The following ACTR3B variants were observed in gnomAD, a reference collection of about 807,000 sequenced individuals.
The protein encoded by ACTR3B is actin-related protein 3B.
Under a neutral mutation model 59.0 loss-of-function variants are expected in ACTR3B, and 8 were observed. That is an observed-to-expected ratio of 0.14 (90% confidence interval 0.08 to 0.24). The LOEUF (loss-of-function observed/expected upper bound fraction) is 0.24, where lower values mean the gene tolerates loss of function less well. Ranked by LOEUF, ACTR3B falls within the 10% of genes least tolerant of loss-of-function variation. ACTR3B has a pLI of 1.00. For synonymous variants in ACTR3B, 148 were observed against 197.9 expected, an observed-to-expected ratio of 0.75 and a Z score of 2.12; for missense variants, 245 against 552.3, an observed-to-expected ratio of 0.44 and a Z score of 5.58.
chr7:152,854,755 T>C lies in ACTR3B; in HGVS notation c.*202T>C, dbSNP rs1240015808. On this transcript the variant is annotated 3_prime_UTR_variant, in exon 12 of 12. Transcript: ENST00000256001. The surrounding 1 kb of genome is among the most constrained non-coding windows in gnomAD (Gnocchi z 4.9). ...TGCCGACCGCTGTCTGCCAGCCTCC[T>C]CCTTCTCCCGCCCTCCTCACCCTCG... 2 of 532,046 alleles carry C rather than the reference T, an allele frequency of 3.8e-6. No homozygotes were observed. Among genetic ancestry groups the C allele is most frequent in the East Asian group, 6.4e-5 (2 of 31,492 alleles). The allele number at this position is 532,046 out of a possible 1,614,324, so 33.0% of individuals were successfully genotyped here. A position where few individuals can be genotyped will look rare whatever the true frequency, so the allele number is the denominator to read the frequency against.
chr7:152,807,642 A>G (rs1188426263), intron 4 of ACTR3B, among the ~76,000 whole-genome samples: 3 of 152,022 alleles, frequency 2.0e-5, no homozygotes, highest in Non-Finnish European at 4.4e-5. Flanking sequence ...CTTTCTTTGT[A>G]CTCTTGTCAG....
chr7:152,794,750 G>A (rs375173920), intron 2 of ACTR3B, among the ~76,000 whole-genome samples: 2,225 of 151,998 alleles, frequency 0.015, 53 homozygotes, highest in African/African-American at 0.05. Flanking sequence ...AGTCGTCGTG[G>A]CCCACAAGAC....
chr7:152,807,013 C>CCA (rs2098254239), intron 4 of ACTR3B, among the ~76,000 whole-genome samples: 1 of 152,146 alleles, frequency 6.6e-6, no homozygotes, highest in South Asian at 2.1e-4. Flanking sequence ...GAGCCTCTGG[C>CCA]CAGGAGGAAG....
chr7:152,817,638 T>G (rs1400677863), intron 6 of ACTR3B, among the ~76,000 whole-genome samples: 2 of 152,082 alleles, frequency 1.3e-5, no homozygotes, highest in Non-Finnish European at 2.9e-5. Context: ...TCCTTTGAGG[T>G]CTCCTCCTCA....
chr7:152,763,717 C>T (rs1423444154), intron 1 of ACTR3B, among the ~76,000 whole-genome samples: 1 of 152,196 alleles, frequency 6.6e-6, no homozygotes, highest in Non-Finnish European at 1.5e-5. Flanking sequence ...AGCCACTGTG[C>T]CTGGCCCATT....
intron 9 of ACTR3B, among the ~76,000 whole-genome samples, chr7:152,847,998 C>T (rs1798495218): frequency 6.6e-6 from 1 of 152,206 alleles, no homozygotes; most frequent in Admixed American, 6.5e-5. Flanking sequence ...AGACAGGGAG[C>T]ACTCCCCTGG....
chr7:152,772,948 G>A (rs1489088120), intron 1 of ACTR3B, among the ~76,000 whole-genome samples: 1 of 145,258 alleles, frequency 6.9e-6, no homozygotes, highest in African/African-American at 2.5e-5. Context: ...TGTGCTAATT[G>A]TCGTATCTTT....
At position 152,853,374 on chromosome 7, in the gene ACTR3B, G is replaced by T. The variant is rs1798987289; in HGVS notation, c.1078-120G>T. 3 of 774,972 alleles carry T rather than the reference G, an allele frequency of 3.9e-6. No individual in the cohort carries two copies. The South Asian group carries it at 4.7e-5, about 12-fold the overall frequency. The allele number at this position is 774,972 out of a possible 1,614,324, so 48.0% of individuals were successfully genotyped here. On this transcript the variant is annotated intron_variant, in intron 10 of 11. Transcript: ENST00000256001. ...AGTCACTGAGTGCTGGGTGTGAGGT[G>T]GTGCTCGTGCCATAAGAGGAGGGCG...
chr7:152,847,258 A>G (rs1798425738), intron 9 of ACTR3B, among the ~76,000 whole-genome samples: 1 of 152,136 alleles, frequency 6.6e-6, no homozygotes, highest in African/African-American at 2.4e-5. Context: ...TCCGCTCCGC[A>G]GGGCTCACCG....
chr7:152,807,211 G>A (rs1382864948), intron 4 of ACTR3B, among the ~76,000 whole-genome samples: 1 of 152,202 alleles, frequency 6.6e-6, no homozygotes, highest in Admixed American at 6.5e-5. Context: ...CAGTAGAATT[G>A]TAAGTATAGA....
rs1162028177 is a variant in ACTR3B at position 152,773,208 on chromosome 7, T to G, written c.45-9979T>G. Among the ~76,000 whole-genome samples the G allele has an allele frequency of 2.0e-5, 3 of 149,352 alleles. No individual in the cohort carries two copies. In the East Asian group the frequency reaches 5.8e-4, roughly 29 times the overall value. ...TCACCTGGCATGGACTCAACTAAAT[T>G]CACTTTCTGTACTAAACAAAAACTA... On this transcript the variant is annotated intron_variant, in intron 1 of 11. Coordinates refer to ENST00000256001, the MANE Select transcript of ACTR3B (RefSeq NM_020445.6).
intron 1 of ACTR3B, among the ~76,000 whole-genome samples, chr7:152,775,946 G>C (rs900506282): frequency 6.6e-6 from 1 of 152,108 alleles, no homozygotes; most frequent in Non-Finnish European, 1.5e-5. Context: ...AAAGGCAGAC[G>C]TGTAACTATT....
intron 1 of ACTR3B, among the ~76,000 whole-genome samples, chr7:152,777,317 A>T (rs1169230502): frequency 6.6e-6 from 1 of 152,216 alleles, no homozygotes; most frequent in Non-Finnish European, 1.5e-5. Context: ...CCAGAAAACA[A>T]AAAACAAAAA....
chr7:152,777,982 C>T (rs569145091), intron 1 of ACTR3B, among the ~76,000 whole-genome samples: 1 of 152,042 alleles, frequency 6.6e-6, no homozygotes, highest in African/African-American at 2.4e-5. Flanking sequence ...TTTTAATCTC[C>T]TCTTTCTTCC....
intron 9 of ACTR3B, among the ~76,000 whole-genome samples, chr7:152,828,707 A>G (rs1436933258): frequency 1.3e-5 from 2 of 151,980 alleles, no homozygotes; most frequent in African/African-American, 2.4e-5. Flanking sequence ...AGTGCTTCCA[A>G]CCTGCTGGGC....
chr7:152,761,610 GT>G (rs2098089555), intron 1 of ACTR3B, among the ~76,000 whole-genome samples: 1 of 152,118 alleles, frequency 6.6e-6, no homozygotes, highest in Non-Finnish European at 1.5e-5. Context: ...ATAGATCATT[GT>G]TTTGTGGCCC....
intron 9 of ACTR3B, among the ~76,000 whole-genome samples, chr7:152,849,098 G>T (rs985410794): frequency 2.0e-5 from 3 of 152,110 alleles, no homozygotes; most frequent in Admixed American, 1.3e-4. Context: ...CGGTTTCCTT[G>T]GTTGGCCACG....
chr7:152,840,384 T>C (rs2689551), intron 9 of ACTR3B, among the ~76,000 whole-genome samples: 5,838 of 139,252 alleles, frequency 0.042, 2 homozygotes, highest in African/African-American at 0.078. Flanking sequence ...GGTGCTGACG[T>C]CATTACCCTC....
rs1254850068 is a variant in ACTR3B at position 152,824,418 on chromosome 7, A to AT, written c.859-606dup. Among the ~76,000 whole-genome samples the AT allele has an allele frequency of 6.6e-6, 1 of 152,146 alleles. No homozygotes were observed. Among genetic ancestry groups the AT allele is most frequent in the Non-Finnish European group, 1.5e-5 (1 of 68,032 alleles). ...AGAGTGCACATTCAAGCTTACTTTG[A>AT]TTTTTTAAAATATTTCAAATGAAAT... is the stretch of plus-strand genomic sequence containing the variant. On this transcript the variant is annotated intron_variant, in intron 8 of 11. Coordinates refer to ENST00000256001, the MANE Select transcript of ACTR3B (RefSeq NM_020445.6). The surrounding 1 kb of genome is among the most constrained non-coding windows in gnomAD (Gnocchi z 4.2).
Sources: allele counts gnomAD v4.1 joint callset (sites outside exome capture counted in the v4.1 genomes callset), GRCh38; gene constraint gnomAD v4.1.1; non-coding constraint Gnocchi (gnomAD v3.1); transcripts MANE v1.5; gene names NCBI Gene and HGNC (gene_info 2026-07-23, HGNC 2026-07-21).